The following CYFIP2 variants were observed in gnomAD, a reference collection of about 807,000 sequenced individuals.
CYFIP2 encodes the protein cytoplasmic FMR1-interacting protein 2.
In CYFIP2, 29 loss-of-function variants were observed where a neutral mutation model predicts 158.7. That is an observed-to-expected ratio of 0.18 (90% confidence interval 0.14 to 0.25). The LOEUF is 0.25. Among genes scored for constraint, CYFIP2 ranks in the 10% least tolerant of loss-of-function variants. The pLI is 1.00. For synonymous variants in CYFIP2, 585 were observed against 617.6 expected, an observed-to-expected ratio of 0.95 and a Z score of 0.78; for missense variants, 852 against 1,639.5, an observed-to-expected ratio of 0.52 and a Z score of 8.29.
At chr5:157,287,254 C>T (rs1209372053) in intron 3 of CYFIP2, 146 bp downstream of exon 3, 2 of 600,992 alleles carry the variant, frequency 3.3e-6, no homozygotes, top group Non-Finnish European at 6.0e-6. Flanking sequence ...CCCACTCTTA[C>T]ATTCTGCGCC....
rs1755592736 is a variant in CYFIP2, at chr5:157,266,365, C to T, written c.-24+170C>T. ...GCCCGGCCTCAGGCCCCACGCGGCC[C>T]CTTTCCCCCTCGGACCCACCGTGCG... On this transcript the variant is annotated intron_variant, in intron 1 of 30. Transcript: ENST00000620254. The surrounding 1 kb of genome is among the most constrained non-coding windows in gnomAD (Gnocchi z 4.2). 1 of 151,662 alleles carries T rather than the reference C, an allele frequency of 6.6e-6. No individual in the cohort carries two copies. Among genetic ancestry groups the T allele is most frequent in the African/African-American group, 2.4e-5 (1 of 41,358 alleles). The allele number at this position is 151,662 out of a possible 1,614,324, so 9.4% of individuals were successfully genotyped here. A position where few individuals can be genotyped will look rare whatever the true frequency, so the allele number is the denominator to read the frequency against.
At chr5:157,326,101 A>G in intron 17 of CYFIP2, 70 bp from the exon 18 acceptor site, 2 of 1,159,828 alleles carry the variant, frequency 1.7e-6, no homozygotes, top group East Asian at 2.4e-5. Context: ...CTATTTCCCA[A>G]GCAAGTATAA....
At chr5:157,338,180 C>T (rs900447513) in intron 21 of CYFIP2, among the ~76,000 whole-genome samples, 10 of 152,206 alleles carry the variant, frequency 6.6e-5, no homozygotes, top group African/African-American at 2.2e-4. Context: ...CAACAAATGC[C>T]ATGTCCTGCT....
intron 3 of CYFIP2, among the ~76,000 whole-genome samples, chr5:157,290,641 A>G (rs927496787): frequency 1.3e-5 from 2 of 152,244 alleles, no homozygotes; most frequent in South Asian, 4.1e-4. Flanking sequence ...TATTCTGCCT[A>G]CACAGGGAGA....
chr5:157,356,494 C>G (rs1159074098), intron 23 of CYFIP2, among the ~76,000 whole-genome samples: 2 of 152,202 alleles, frequency 1.3e-5, no homozygotes, highest in Non-Finnish European at 2.9e-5. Flanking sequence ...ATGTACAGTT[C>G]TGTGAGTTTT....
chr5:157,327,507 G>A (rs1561731560), intron 18 of CYFIP2, among the ~76,000 whole-genome samples: 1 of 151,280 alleles, frequency 6.6e-6, no homozygotes, highest in Non-Finnish European at 1.5e-5. Flanking sequence ...GGAGGTTGCA[G>A]TGAGCCGAGA....
chr5:157,344,096 T>A (rs1762503219), intron 23 of CYFIP2, among the ~76,000 whole-genome samples: 1 of 152,214 alleles, frequency 6.6e-6, no homozygotes, highest in South Asian at 2.1e-4. Flanking sequence ...TTCGTCACTC[T>A]TTGGCAGCTG....
intron 10 of CYFIP2, among the ~76,000 whole-genome samples, chr5:157,310,511 C>G (rs1581030968): frequency 6.6e-6 from 1 of 152,242 alleles, no homozygotes; most frequent in African/African-American, 2.4e-5. Context: ...CTGCATCCGC[C>G]TGGAGCCTCT....
intron 30 of CYFIP2, among the ~76,000 whole-genome samples, chr5:157,392,329 T>A (rs1040554332): frequency 3.9e-5 from 6 of 152,110 alleles, no homozygotes; most frequent in Non-Finnish European, 4.4e-5. Context: ...ATTTTTCCCC[T>A]ATATTCTCTT....
chr5:157,321,200 T>TTA (rs1760565265), intron 15 of CYFIP2, among the ~76,000 whole-genome samples: 2 of 152,248 alleles, frequency 1.3e-5, no homozygotes, highest in Non-Finnish European at 2.9e-5. Flanking sequence ...GCTGCCCCTC[T>TTA]TTAATAAGTC....
chr5:157,384,328 TG>T (rs1318009165), intron 28 of CYFIP2: 2 of 456,596 alleles, frequency 4.4e-6, no homozygotes, highest in African/African-American at 4.0e-5. Context: ...CTTCACATTT[TG>T]GGGGCAGGCA....
intron 26 of CYFIP2, chr5:157,365,365 A>G (rs1764266924): frequency 6.6e-6 from 1 of 152,208 alleles, no homozygotes; most frequent in Non-Finnish European, 1.5e-5. Flanking sequence ...AGATTAATAT[A>G]TCATTGATAG....
chr5:157,383,108 AACT>A, intron 27 of CYFIP2, 154 bp from the exon 28 acceptor site: 1 of 631,694 alleles, frequency 1.6e-6, no homozygotes, highest in Non-Finnish European at 2.8e-6. Context: ...TCCTTGTAAA[AACT>A]ACTCACACTT....
chr5:157,388,878 A>G (rs1157319807), intron 28 of CYFIP2, among the ~76,000 whole-genome samples: 5 of 152,260 alleles, frequency 3.3e-5, no homozygotes, highest in African/African-American at 9.6e-5. Flanking sequence ...TAGAAGCAGT[A>G]GTACTACTAG....
chr5:157,337,748 A>T (rs2113220141), intron 21 of CYFIP2, among the ~76,000 whole-genome samples: 1 of 152,280 alleles, frequency 6.6e-6, no homozygotes, highest in Admixed American at 6.5e-5. Context: ...TGGTCATCCC[A>T]CCCGGCCATG....
intron 26 of CYFIP2, among the ~76,000 whole-genome samples, chr5:157,367,979 A>G (rs1015793182): frequency 6.6e-6 from 1 of 151,788 alleles, no homozygotes; most frequent in Non-Finnish European, 1.5e-5. Flanking sequence ...GCTGGTCTTG[A>G]ACTCCTGACC....
chr5:157,319,065 A>G (rs1470460), intron 13 of CYFIP2, among the ~76,000 whole-genome samples: 53,237 of 151,974 alleles, frequency 0.35, 10,975 homozygotes, highest in African/African-American at 0.58. Context: ...TGCAAGAAGC[A>G]GCCAGAAACC....
rs1419680574 is a variant in CYFIP2, at chr5:157,330,742, T to A, written c.2157T>A (p.Ser719Arg). 1 of 1,613,466 alleles carries A rather than the reference T, an allele frequency of 6.2e-7. No homozygotes were observed. Among genetic ancestry groups the A allele is most frequent in the African/African-American group, 1.3e-5 (1 of 74,912 alleles). The change falls in exon 20 of 31, where the codon AGT becomes AGA. Residue 719 changes from serine to arginine, a missense_variant and splice_region_variant. This residue lies in a region of CYFIP2 where 191 missense variants were observed against 311.2 expected (regional missense o/e 0.61). Transcript: ENST00000620254. ...IFAYYKAMAG[S>R]VLLDKRFRAE... The stretch of plus-strand genomic sequence containing the variant: ...CTTGTTTCACTTTTATTCCTTGCAG[T>A]GTCCTGTTGGATAAACGTTTTCGAG...
chr5:157,371,123 A>T (rs1030278600), intron 26 of CYFIP2, among the ~76,000 whole-genome samples: 2 of 152,318 alleles, frequency 1.3e-5, no homozygotes, highest in South Asian at 2.1e-4. Flanking sequence ...GGAGAGGGTC[A>T]TGGTGCAAGT....
Sources: gnomAD v4.1 joint callset for allele counts (sites outside exome capture counted in the v4.1 genomes callset) on GRCh38, gnomAD v4.1.1 for gene constraint, gnomAD v4.1.1 regional missense constraint, Gnocchi (gnomAD v3.1) non-coding constraint, MANE v1.5 for transcripts, NCBI Gene and HGNC (gene_info 2026-07-23, HGNC 2026-07-21) for gene names.